SAFB2: variants seen among roughly 807,000 people sequenced by gnomAD.
SAFB2 encodes the protein scaffold attachment factor B2.
SAFB2 carries 32 observed loss-of-function variants against 100.6 expected under a neutral mutation model. The observed-to-expected ratio is 0.32, with a 90% confidence interval of 0.24 to 0.43. SAFB2 has a LOEUF of 0.43. Ranked by LOEUF, SAFB2 falls within the 20% of genes least tolerant of loss-of-function variation. The pLI is 1.00. For missense variants in SAFB2, 1,185 were observed against 1,163.4 expected (o/e 1.02, Z -0.27); for synonymous variants, 500 against 439.4 (o/e 1.14, Z -1.72).
At chr19:5,592,526 G>A (rs371338019) in intron 16 of SAFB2, among the ~76,000 whole-genome samples, 21 of 152,306 alleles carry the variant, frequency 1.4e-4, no homozygotes, top group African/African-American at 4.3e-4. Context: ...AAAAGAGTCG[G>A]TGGATGGAAT....
chr19:5,621,336 T>C lies in SAFB2; in HGVS notation c.247A>G (p.Lys83Glu). ...TTAACACATCTCTTGGCTGACTTCT[T>C]GCTGGTGGCTTCTAACTCGATGCCA... ...EIGIELEATS[K>E]KSAKRCVKGL... is the part of the protein sequence containing the mutation. The change falls in exon 2 of 21, where the codon AAG (lysine) becomes GAG (glutamate). Residue 83 changes from lysine (K) to glutamate (E), a missense_variant. Transcript: ENST00000252542. 6.2e-7 allele frequency: 1 copy of C among 1,613,622 alleles called. No individual in the cohort carries two copies.
intron 13 of SAFB2, chr19:5,598,346 A>G (rs7260385): frequency 0.1 from 17,207 of 168,584 alleles, 1,188 homozygotes; most frequent in African/African-American, 0.2. Context: ...CTCGAGAGGT[A>G]CAGCTCTTGA....
At position 5,592,751 on chromosome 19, in the gene SAFB2, C is replaced by A. The variant is rs745620862; in HGVS notation, c.2344G>T (p.Asp782Tyr). The change falls in exon 16 of 21, where the codon GAC becomes TAC. Residue 782 changes from aspartate (D) to tyrosine (Y), a missense_variant. By Grantham distance (160) the Asp-to-Tyr change is radical. Coordinates refer to ENST00000252542, the MANE Select transcript of SAFB2 (RefSeq NM_014649.3). ...GGAGGGGACAAGACCACTGACCTGT[C>A]GATGGCGTGGTCCTGGTACTGGCCC... ...DRGQYQDHAI[D>Y]RREGSRPMMG... 1 of 1,614,042 alleles carries A rather than the reference C, an allele frequency of 6.2e-7. No individual in the cohort carries two copies. Among genetic ancestry groups the A allele is most frequent in the South Asian group, 1.1e-5 (1 of 91,054 alleles).
chr19:5,616,331 T>G lies in SAFB2; in HGVS notation c.344A>C (p.Asp115Ala), dbSNP rs200942241. The G allele has an allele frequency of 1.1e-5, 18 of 1,614,130 alleles. No individual in the cohort carries two copies. In the East Asian group the frequency reaches 3.6e-4, roughly 32 times the overall value. Residue 115 changes from aspartate to alanine, a missense_variant, in exon 4 of 21, where the codon GAC becomes GCC. By Grantham distance (126) the Asp-to-Ala change is moderately radical. This residue lies in a region of SAFB2 where 351 missense variants were observed against 341.2 expected (regional missense o/e 1.03). Transcript: ENST00000252542. ...CAGGTTCTCCAGACTTGCTTCCATG[T>G]CCTCCTGTAAAGAGGAAGAAGAATC... ...LEDDSRDGQE[D>A]MEASLENLQN...
At chr19:5,619,288 T>C (rs1163025091) in intron 2 of SAFB2, among the ~76,000 whole-genome samples, 4 of 152,176 alleles carry the variant, frequency 2.6e-5, no homozygotes, top group Non-Finnish European at 4.4e-5. Context: ...CCTGAAGACC[T>C]GGGCTCTCTC....
chr19:5,613,662 T>C, intron 4 of SAFB2, 135 bp from the exon 5 acceptor site: 2 of 1,480,056 alleles, frequency 1.4e-6, no homozygotes, highest in African/African-American at 1.4e-5. Context: ...TGTTGGGTCA[T>C]TCAGTTCAGC....
Position 5,610,659 on chromosome 19 carries a change from G to T in SAFB2, c.1175C>A (p.Pro392Gln). 6.4e-7 allele frequency: 1 copy of T among 1,572,006 alleles called. No individual in the cohort carries two copies. The highest frequency in any genetic ancestry group is 1.1e-5 in the South Asian group (1 of 87,442). Reference sequence around the variant, plus strand: ...CATACCTTTTTCATCTTTAATGATTGGCTTTATATCTTTTTCTTCCTTAAA... The same window carrying T: ...CATACCTTTTTCATCTTTAATGATTTGCTTTATATCTTTTTCTTCCTTAAA... ...SSFKEEKDIK[P>Q]IIKDEKGRVG... Residue 392 changes from proline to glutamine, a missense_variant, in exon 8 of 21, where the codon CCA becomes CAA. Around this residue, in one of 3 missense-constraint regions of SAFB2, gnomAD observed 351 missense variants for 341.2 expected, o/e 1.03. Transcript: ENST00000252542.
intron 11 of SAFB2, among the ~76,000 whole-genome samples, chr19:5,603,433 G>A (rs2052706044): frequency 6.6e-6 from 1 of 152,188 alleles, no homozygotes; most frequent in African/African-American, 2.4e-5. Flanking sequence ...TCAGCCTTCT[G>A]AGACACTGCC....
chr19:5,606,599 C>T (rs942497650), intron 9 of SAFB2, among the ~76,000 whole-genome samples: 1 of 152,044 alleles, frequency 6.6e-6, no homozygotes. Flanking sequence ...GCCTGGGTGA[C>T]ACAGTGAGAT....
At chr19:5,599,708 A>C (rs568946460) in intron 12 of SAFB2, among the ~76,000 whole-genome samples, 2 of 152,330 alleles carry the variant, frequency 1.3e-5, no homozygotes, top group East Asian at 3.9e-4. Context: ...GAACCACTTC[A>C]ACAGATGCTT....
chr19:5,591,650 A>C, intron 17 of SAFB2, 98 bp downstream of exon 17: 1 of 1,212,216 alleles, frequency 8.2e-7, no homozygotes, highest in Non-Finnish European at 1.2e-6. Context: ...CTTGGTTGCC[A>C]CCTCTCTGGG....
chr19:5,593,747 CG>C (rs146466197), intron 15 of SAFB2, 143 bp downstream of exon 15: 9 of 862,090 alleles, frequency 1.0e-5, no homozygotes, highest in Non-Finnish European at 1.3e-5. Flanking sequence ...GTGAGATCGG[CG>C]GGGGGTCCCC....
rs775080704 is a variant in SAFB2, at chr19:5,622,749, G to A, written c.-34C>T. 31 of 1,571,306 alleles carry A rather than the reference G, an allele frequency of 2.0e-5. No homozygotes were observed. The highest frequency in any genetic ancestry group is 2.4e-5 in the Non-Finnish European group (28 of 1,163,598). On this transcript the variant is annotated 5_prime_UTR_variant, in exon 1 of 21. Transcript: ENST00000252542. The stretch of plus-strand genomic sequence containing the variant: ...TCCCGTCTTCGCCACCGACTCAGTC[G>A]CACACCGCCGGCAGCTATAGCGGCT...
intron 9 of SAFB2, among the ~76,000 whole-genome samples, chr19:5,609,555 C>T (rs920519872): frequency 6.6e-6 from 1 of 152,088 alleles, no homozygotes; most frequent in Non-Finnish European, 1.5e-5. Flanking sequence ...ACGCCCGCCT[C>T]GGCCTCCCAA....
intron 2 of SAFB2, among the ~76,000 whole-genome samples, chr19:5,620,742 C>T (rs890478097): frequency 6.6e-6 from 1 of 152,066 alleles, no homozygotes; most frequent in Non-Finnish European, 1.5e-5. Context: ...CAGAAGGAGA[C>T]GGTGGTGGTG....
At chr19:5,621,475 A>G (rs1212029892) in intron 1 of SAFB2, 79 bp from the exon 2 acceptor site, 3 of 960,780 alleles carry the variant, frequency 3.1e-6, no homozygotes, top group Non-Finnish European at 5.0e-6. Context: ...ACAACCTCCC[A>G]TGAAACAAAG....
chr19:5,600,147 G>C lies in SAFB2; in HGVS notation c.1673C>G (p.Ser558Cys). The change falls in exon 12 of 21, where the codon TCT becomes TGT. Residue 558 changes from serine (S) to cysteine (C), a missense_variant. Physicochemically the swap from Ser to Cys is moderately radical, Grantham distance 112 (BLOSUM62 -1). Coordinates refer to ENST00000252542, the MANE Select transcript of SAFB2 (RefSeq NM_014649.3). ...DELKPGPTNR[S>C]RVTKSGSRGM... ...CTCCTCACCTGATTTGGTGACTCTAGACCGATTTGTAGGTCCGGGTTTCAG... is the reference window on the plus strand; with the variant it reads ...CTCCTCACCTGATTTGGTGACTCTACACCGATTTGTAGGTCCGGGTTTCAG... 1 of 1,613,954 alleles carries C rather than the reference G, an allele frequency of 6.2e-7. No homozygotes were observed. The highest frequency in any genetic ancestry group is 1.1e-5 in the South Asian group (1 of 91,042).
At chr19:5,590,661 C>T (rs2145314264) in intron 17 of SAFB2, among the ~76,000 whole-genome samples, 1 of 152,342 alleles carries the variant, frequency 6.6e-6, no homozygotes, top group East Asian at 1.9e-4. Context: ...CCTGGCATTA[C>T]TGCCCTCAAC....
intron 4 of SAFB2, 25 bp downstream of exon 4, chr19:5,616,107 C>A (rs2053024007): frequency 6.2e-7 from 1 of 1,611,936 alleles, no homozygotes; most frequent in Non-Finnish European, 8.5e-7. Flanking sequence ...ATGGGCACAT[C>A]CTGCCGTGTC....
Sources: allele counts gnomAD v4.1 joint callset (sites outside exome capture counted in the v4.1 genomes callset), GRCh38; gene constraint gnomAD v4.1.1; regional missense constraint gnomAD v4.1.1; transcripts MANE v1.5; gene names NCBI Gene and HGNC (gene_info 2026-07-23, HGNC 2026-07-21).